PHLDB2: variants seen among roughly 807,000 people sequenced by gnomAD.
PHLDB2 encodes the protein pleckstrin homology-like domain family B member 2.
In PHLDB2, 71 loss-of-function variants were observed where a neutral mutation model predicts 123.6. That is an observed-to-expected ratio of 0.57 (90% CI 0.47 to 0.70). PHLDB2 has a LOEUF of 0.70. Ranked by LOEUF, PHLDB2 falls within the 30% of genes least tolerant of loss-of-function variation. PHLDB2 has a pLI of 0.00. For synonymous variants in PHLDB2, 547 were observed against 541.6 expected, an observed-to-expected ratio of 1.01 and a Z score of -0.14; for missense variants, 1,446 against 1,519.5, an observed-to-expected ratio of 0.95 and a Z score of 0.80.
rs767843812 is a variant in PHLDB2, at chr3:111,953,950, G to A, written c.2793G>A (p.Gln931=). 1 of 1,613,762 alleles carries A rather than the reference G, an allele frequency of 6.2e-7. No homozygotes were observed. Among genetic ancestry groups the A allele is most frequent in the Non-Finnish European group, 8.5e-7 (1 of 1,179,812 alleles). The change falls in exon 12 of 18, where the codon CAG becomes CAA. Residue 931 remains glutamine (Q), a synonymous_variant. Coordinates refer to ENST00000431670, the MANE Select transcript of PHLDB2 (RefSeq NM_001134438.2). ...ITPKAHLPLG[Q]SNSCGSVLPP... is the part of the protein sequence containing the mutation. ...CGCAGGCCCATCTGCCCCTAGGACA[G>A]AGTAACAGCTGTGGAAGTGTGCTCC...
chr3:111,916,593 C>A (rs1019108613), intron 3 of PHLDB2: 1 of 152,124 alleles, frequency 6.6e-6, no homozygotes, highest in Non-Finnish European at 1.5e-5. Flanking sequence ...CTGAGAGTTA[C>A]CAGTCAAGAA....
chr3:111,857,556 C>G (rs554554370), upstream of PHLDB2, among the ~76,000 whole-genome samples: 13 of 151,524 alleles, frequency 8.6e-5, no homozygotes, highest in Non-Finnish European at 1.3e-4. Context: ...AAAGAGATGA[C>G]GTGGGTGAGA....
chr3:111,859,573 C>T lies in PHLDB2; in HGVS notation c.-18C>T, dbSNP rs1337856273. ...CGCCGGGAACGGGCTGCACCAATGG[C>T]CAGGTGAGGAGGCGGCGGTGGTCGC... On this transcript the variant is annotated 5_prime_UTR_variant, in exon 1 of 18. Transcript: ENST00000431670. 1.2e-5 allele frequency: 12 copies of T among 985,586 alleles called. No homozygotes were observed. The East Asian group carries it at 1.0e-3, about 84-fold the overall frequency. 61.1% of individuals were successfully genotyped at this position (985,586 alleles called of 1,614,324 possible).
intron 12 of PHLDB2, among the ~76,000 whole-genome samples, chr3:111,959,623 A>C (rs1188048034): frequency 6.6e-6 from 1 of 152,254 alleles, no homozygotes; most frequent in African/African-American, 2.4e-5. Context: ...ATTGTAATGT[A>C]GCTGGCCCTT....
upstream of PHLDB2, among the ~76,000 whole-genome samples, chr3:111,854,656 CAT>C: frequency 6.6e-6 from 1 of 152,142 alleles, no homozygotes; most frequent in Non-Finnish European, 1.5e-5. Context: ...AATGGAATAA[CAT>C]AAATAATTCA....
chr3:111,925,303 G>A (rs921757466), intron 5 of PHLDB2, among the ~76,000 whole-genome samples: 2 of 152,172 alleles, frequency 1.3e-5, no homozygotes, highest in African/African-American at 4.8e-5. Context: ...AATATAGTCA[G>A]TTTGTTCTAC....
At chr3:111,885,479 G>T (rs989183428) in intron 2 of PHLDB2, 67 bp downstream of exon 2, 10 of 1,586,496 alleles carry the variant, frequency 6.3e-6, no homozygotes, top group Non-Finnish European at 7.8e-6. Flanking sequence ...GGCAGCCTTG[G>T]AGATGGACTC....
chr3:111,774,385 A>G (rs2060230478), intron 1 of PHLDB2, among the ~76,000 whole-genome samples: 1 of 152,224 alleles, frequency 6.6e-6, no homozygotes, highest in African/African-American at 2.4e-5. Flanking sequence ...AAAATTGATC[A>G]AAGTCCTGGT....
At chr3:111,920,971 G>T (rs2068466752) in intron 5 of PHLDB2, among the ~76,000 whole-genome samples, 1 of 152,090 alleles carries the variant, frequency 6.6e-6, no homozygotes, top group South Asian at 2.1e-4. Context: ...TTTTCTTCTT[G>T]GGGTAGTCCT....
intron 3 of PHLDB2, chr3:111,916,731 CT>C (rs2068202432): frequency 6.6e-6 from 1 of 152,102 alleles, no homozygotes; most frequent in African/African-American, 2.4e-5. Flanking sequence ...TTTTGAGTCC[CT>C]TGCACCCCTC....
chr3:111,876,386 C>G (rs73852723), intron 1 of PHLDB2, among the ~76,000 whole-genome samples: 10,026 of 152,058 alleles, frequency 0.066, 360 homozygotes, highest in Middle Eastern at 0.082. Context: ...ACTTTTTACT[C>G]CCCCAAAACT....
At chr3:111,905,130 C>T (rs954746719) in intron 2 of PHLDB2, among the ~76,000 whole-genome samples, 1 of 152,134 alleles carries the variant, frequency 6.6e-6, no homozygotes, top group Non-Finnish European at 1.5e-5. Context: ...AACCACCCCC[C>T]ACAAAGTCAT....
chr3:111,923,227 A>G (rs901855644), intron 5 of PHLDB2, among the ~76,000 whole-genome samples: 2 of 152,166 alleles, frequency 1.3e-5, no homozygotes, highest in African/African-American at 4.8e-5. Flanking sequence ...TAAAGACCTC[A>G]GTGGTGCCCA....
intron 2 of PHLDB2, among the ~76,000 whole-genome samples, chr3:111,906,811 G>A (rs1025402312): frequency 6.6e-6 from 1 of 152,182 alleles, no homozygotes; most frequent in African/African-American, 2.4e-5. Flanking sequence ...AGCAGACACA[G>A]TCATACAAAG....
intron 1 of PHLDB2, among the ~76,000 whole-genome samples, chr3:111,842,175 T>C (rs1209030326): frequency 6.6e-6 from 1 of 152,248 alleles, no homozygotes; most frequent in Non-Finnish European, 1.5e-5. Flanking sequence ...TCAAATATAA[T>C]GGCCATTATT....
rs138486998 is a variant in PHLDB2 at position 111,770,212 on chromosome 3, T to C, written c.-49+37509T>C. On this transcript the variant is annotated intron_variant, in intron 1 of 17. Transcript: ENST00000393923. ...AAGGGTGCTTATTACGTCATCAATG[T>C]ATTTTTTCCAGATACCAGGCTCTTT... Among the ~76,000 whole-genome samples, 1,308 of 152,300 alleles carry C rather than the reference T, an allele frequency of 8.6e-3. 12 individuals carry two copies. Among genetic ancestry groups the C allele is most frequent in the South Asian group, 0.05 (243 of 4,820 alleles).
intron 1 of PHLDB2, among the ~76,000 whole-genome samples, chr3:111,782,331 T>C (rs2060511323): frequency 6.6e-6 from 1 of 151,996 alleles, no homozygotes; most frequent in South Asian, 2.1e-4. Context: ...AGTCAAACCT[T>C]AAGCTAGTCT....
intron 5 of PHLDB2, among the ~76,000 whole-genome samples, chr3:111,925,269 G>C (rs1282501938): frequency 6.6e-6 from 1 of 152,134 alleles, no homozygotes; most frequent in Non-Finnish European, 1.5e-5. Context: ...ATAAACCATA[G>C]GCATACTTCT....
chr3:111,893,443 C>T (rs1269915020), intron 2 of PHLDB2, among the ~76,000 whole-genome samples: 1 of 152,054 alleles, frequency 6.6e-6, no homozygotes, highest in Non-Finnish European at 1.5e-5. Flanking sequence ...GGTTTGTTTA[C>T]CAACCCAATA....
Sources: allele counts gnomAD v4.1 joint callset (sites outside exome capture counted in the v4.1 genomes callset), GRCh38; gene constraint gnomAD v4.1.1; transcripts MANE v1.5; gene names NCBI Gene and HGNC (gene_info 2026-07-23, HGNC 2026-07-21).